The following ZNF569 variants were observed in gnomAD, a reference collection of about 807,000 sequenced individuals.
ZNF569 encodes the protein DNA-binding protein.
A neutral mutation model predicts 56.3 loss-of-function variants in ZNF569; 38 were observed. That is an observed-to-expected ratio of 0.68 (90% CI 0.52 to 0.88). The LOEUF is 0.88. ZNF569 is among the 40% of genes least tolerant of loss of function. ZNF569 has a pLI of 0.00. For missense variants in ZNF569, 666 were observed against 809.2 expected, an observed-to-expected ratio of 0.82 and a Z score of 2.15; for synonymous variants, 241 against 262.9, an observed-to-expected ratio of 0.92 and a Z score of 0.81.
intron 5 of ZNF569, among the ~76,000 whole-genome samples, chr19:37,422,412 T>C (rs2041053572): frequency 6.6e-6 from 1 of 152,076 alleles, no homozygotes; most frequent in South Asian, 2.1e-4. Context: ...CCCAAAACAA[T>C]GACAACAGTA....
intron 3 of ZNF569, among the ~76,000 whole-genome samples, chr19:37,429,222 G>A (rs1040119928): frequency 6.6e-6 from 1 of 152,212 alleles, no homozygotes; most frequent in African/African-American, 2.4e-5. Context: ...CTGCTGATAA[G>A]TGAACATAAA....
chr19:37,426,062 GA>G (rs1456288097), intron 4 of ZNF569, 99 bp from the exon 5 acceptor site: 3 of 1,407,532 alleles, frequency 2.1e-6, no homozygotes, highest in East Asian at 2.3e-5. Context: ...TAAAGGACAA[GA>G]AAATGTGGCT....
In ZNF569 at chr19:37,414,400, A is replaced by T. The variant is rs1489619058; in HGVS notation, c.258T>A (p.Asp86Glu). Residue 86 changes from aspartate (D) to glutamate (E), a missense_variant, in exon 6 of 6, where the codon GAT (aspartate) becomes GAA (glutamate). Asp to Glu is a conservative substitution (Grantham distance 45). Coordinates refer to ENST00000316950, the MANE Select transcript of ZNF569 (RefSeq NM_152484.3). ...RHWQGEIWGV[D>E]EHQKNQDRLL... is the part of the protein sequence containing the mutation. ...GTCTGTCCTGGTTTTTCTGATGCTCATCAACTCCCCATATTTCTCCTAAAA... is the reference window on the plus strand; with the variant it reads ...GTCTGTCCTGGTTTTTCTGATGCTCTTCAACTCCCCATATTTCTCCTAAAA... 6.3e-7 allele frequency: 1 copy of T among 1,589,308 alleles called. No homozygotes were observed. Among genetic ancestry groups the T allele is most frequent in the Non-Finnish European group, 8.5e-7 (1 of 1,170,772 alleles).
chr19:37,438,910 A>C lies in ZNF569; in HGVS notation c.15+5997T>G, dbSNP rs570142078. On this transcript the variant is annotated intron_variant, in intron 3 of 5. Coordinates refer to ENST00000316950, the MANE Select transcript of ZNF569 (RefSeq NM_152484.3). ...AGCTCAAATAACTGTATATGAAAAA[A>C]GTCTAATAACTTGATTTAAAAAGGG... Among the ~76,000 whole-genome samples, 7 of 152,314 alleles carry C rather than the reference A, an allele frequency of 4.6e-5. 1 individual carries two copies. The South Asian group carries it at 1.5e-3, about 32-fold the overall frequency.
In ZNF569 at chr19:37,414,199, A is replaced by G; in HGVS notation, c.459T>C (p.His153=). 6.2e-7 allele frequency: 1 copy of G among 1,613,222 alleles called. No individual in the cohort carries two copies. The highest frequency in any genetic ancestry group is 1.1e-5 in the South Asian group (1 of 90,900). ...GKCLEHNFDC[H]NNVKCLMRKE... Reference sequence around the variant, plus strand: ...TTCTCATAAGGCATTTCACATTATTATGACAGTCAAAATTATGTTCTAAAC... The same window carrying G: ...TTCTCATAAGGCATTTCACATTATTGTGACAGTCAAAATTATGTTCTAAAC... The change falls in exon 6 of 6, where the codon CAT becomes CAC. Residue 153 remains histidine, a synonymous_variant. Coordinates refer to ENST00000316950, the MANE Select transcript of ZNF569 (RefSeq NM_152484.3).
intron 2 of ZNF569, among the ~76,000 whole-genome samples, chr19:37,446,702 T>C (rs1267383846): frequency 2.6e-5 from 4 of 152,120 alleles, no homozygotes; most frequent in African/African-American, 9.7e-5. Flanking sequence ...GACATTGGCT[T>C]AGGCAAAAAC....
chr19:37,468,927 C>A, upstream of ZNF569: 1 of 454,678 alleles, frequency 2.2e-6, no homozygotes, highest in Non-Finnish European at 2.9e-6. Context: ...TCTAGGAATT[C>A]GCCTCCCACC....
At chr19:37,450,767 T>A (rs2041578795) in intron 2 of ZNF569, among the ~76,000 whole-genome samples, 1 of 152,222 alleles carries the variant, frequency 6.6e-6, no homozygotes, top group Non-Finnish European at 1.5e-5. Context: ...CTTATCCATA[T>A]GAATTTACCT....
chr19:37,462,075 C>A (rs1026115538), intron 2 of ZNF569, among the ~76,000 whole-genome samples: 1 of 152,132 alleles, frequency 6.6e-6, no homozygotes, highest in African/African-American at 2.4e-5. Flanking sequence ...ACGTCCTCCA[C>A]CAATCTCACT....
chr19:37,457,904 G>C (rs1296729731), intron 2 of ZNF569, among the ~76,000 whole-genome samples: 1 of 152,036 alleles, frequency 6.6e-6, no homozygotes, highest in African/African-American at 2.4e-5. Context: ...TTTGGAGACA[G>C]AGTCTCGCTC....
At chr19:37,446,164 T>C (rs1187184818) in intron 2 of ZNF569, among the ~76,000 whole-genome samples, 1 of 152,114 alleles carries the variant, frequency 6.6e-6, no homozygotes, top group African/African-American at 2.4e-5. Context: ...ACAGTCAACA[T>C]ATCTTTGACA....
chr19:37,440,298 C>T (rs1264704613), intron 3 of ZNF569, among the ~76,000 whole-genome samples: 1 of 152,016 alleles, frequency 6.6e-6, no homozygotes, highest in Admixed American at 6.6e-5. Context: ...AGAAGCCAGA[C>T]ACAAAAGGTC....
chr19:37,433,884 GTTAA>G (rs2146911291), intron 3 of ZNF569, among the ~76,000 whole-genome samples: 1 of 152,134 alleles, frequency 6.6e-6, no homozygotes, highest in East Asian at 1.9e-4. Context: ...AAAAAAGGAC[GTTAA>G]TGAACAATAA....
intron 3 of ZNF569, among the ~76,000 whole-genome samples, chr19:37,441,655 C>CAA (rs111894389): frequency 2.2e-5 from 3 of 134,416 alleles, no homozygotes; most frequent in Admixed American, 7.5e-5. Flanking sequence ...GACCCTGTTT[C>CAA]AAAAAAAAAA....
At chr19:37,435,201 G>A (rs1246724429) in intron 3 of ZNF569, among the ~76,000 whole-genome samples, 1 of 152,126 alleles carries the variant, frequency 6.6e-6, no homozygotes, top group Non-Finnish European at 1.5e-5. Flanking sequence ...AAAGTGTAGA[G>A]TACTAACTTT....
chr19:37,419,287 T>C (rs926451951), intron 5 of ZNF569, among the ~76,000 whole-genome samples: 4 of 152,262 alleles, frequency 2.6e-5, no homozygotes, highest in Admixed American at 2.0e-4. Context: ...ACAACGAATA[T>C]ACAAAAAGAT....
At chr19:37,446,331 C>T (rs957500949) in intron 2 of ZNF569, among the ~76,000 whole-genome samples, 7 of 151,986 alleles carry the variant, frequency 4.6e-5, no homozygotes, top group East Asian at 1.9e-4. Flanking sequence ...GGGCGGATCA[C>T]GAGGTCAGGA....
rs747580876 is a variant in ZNF569, at chr19:37,413,489, G to A, written c.1169C>T (p.Ala390Val). The change falls in exon 6 of 6, where the codon GCC becomes GTC. Residue 390 changes from alanine to valine, a missense_variant. Ala to Val is a moderately conservative substitution (Grantham distance 64, BLOSUM62 0). Coordinates refer to ENST00000316950, the MANE Select transcript of ZNF569 (RefSeq NM_152484.3). ...KPYECNECGK[A>V]FSQSSALTVH... The stretch of plus-strand genomic sequence containing the variant: ...AGTAAGGGCTGAGCTTTGAGAGAAG[G>A]CTTTTCCACACTCATTACATTCATA... 5.0e-6 allele frequency: 8 copies of A among 1,613,664 alleles called. 1 individual carries two copies. The South Asian group carries it at 6.6e-5, about 13-fold the overall frequency.
chr19:37,412,581 A>C lies in ZNF569; in HGVS notation c.*16T>G. The C allele has an allele frequency of 6.4e-7, 1 of 1,556,502 alleles. No homozygotes were observed. Among genetic ancestry groups the C allele is most frequent in the Non-Finnish European group, 8.7e-7 (1 of 1,154,756 alleles). ...CTTCAGATGGCCTTGCCATATTCAC[A>C]ATATTCATAGGGTTTCTAATGAGTA... On this transcript the variant is annotated 3_prime_UTR_variant, in exon 6 of 6. Coordinates refer to ENST00000316950, the MANE Select transcript of ZNF569 (RefSeq NM_152484.3).
Sources: gnomAD v4.1 joint callset for allele counts (sites outside exome capture counted in the v4.1 genomes callset) on GRCh38, gnomAD v4.1.1 for gene constraint, MANE v1.5 for transcripts, NCBI Gene and HGNC (gene_info 2026-07-23, HGNC 2026-07-21) for gene names.